The following GTF2IRD1 variants were observed in gnomAD, a reference collection of about 807,000 sequenced individuals.
GTF2IRD1 encodes general transcription factor II-I repeat domain-containing protein 1.
GTF2IRD1 carries 26 observed loss-of-function variants against 113.2 expected under a neutral mutation model. The ratio of observed to expected loss-of-function variants is 0.23; its 90% CI spans 0.17 to 0.32. GTF2IRD1 has a LOEUF of 0.32. Ranked by LOEUF, GTF2IRD1 falls within the 10% of genes least tolerant of loss-of-function variation. GTF2IRD1 has a pLI of 1.00. For missense variants in GTF2IRD1, 864 were observed against 1,280.8 expected, an observed-to-expected ratio of 0.67 and a Z score of 4.97; for synonymous variants, 484 against 529.1, an observed-to-expected ratio of 0.91 and a Z score of 1.17.
intron 4 of GTF2IRD1, among the ~76,000 whole-genome samples, chr7:74,516,549 T>C (rs2130195967): frequency 6.6e-6 from 1 of 152,266 alleles, no homozygotes; most frequent in East Asian, 1.9e-4. Flanking sequence ...GTGCTCAGGG[T>C]CCCACCTCAT....
intron 22 of GTF2IRD1, among the ~76,000 whole-genome samples, chr7:74,575,202 T>C (rs909664065): frequency 5.3e-5 from 8 of 152,128 alleles, no homozygotes; most frequent in Non-Finnish European, 1.0e-4. Context: ...TATTTATTTT[T>C]AGGAGATTGC....
At chr7:74,456,249 T>C (rs1199060477) in intron 1 of GTF2IRD1, among the ~76,000 whole-genome samples, 3 of 152,146 alleles carry the variant, frequency 2.0e-5, no homozygotes, top group Non-Finnish European at 2.9e-5. Flanking sequence ...TTGTTGGACC[T>C]GGGGTCTTGT....
intron 8 of GTF2IRD1, among the ~76,000 whole-genome samples, chr7:74,528,232 A>T (rs1296579955): frequency 6.6e-6 from 1 of 152,172 alleles, no homozygotes; most frequent in Non-Finnish European, 1.5e-5. Context: ...ACTCTTTTTC[A>T]GACAGTCTCG....
At chr7:74,457,845 A>G (rs1562762260) in intron 1 of GTF2IRD1, among the ~76,000 whole-genome samples, 2 of 149,746 alleles carry the variant, frequency 1.3e-5, no homozygotes, top group Non-Finnish European at 3.0e-5. Context: ...AGCAGGACCC[A>G]GGGCTTGGAA....
At position 74,459,188 on chromosome 7, in the gene GTF2IRD1, A is replaced by C. The variant is rs112585446; in HGVS notation, c.-7+5012A>C. Among the ~76,000 whole-genome samples the C allele has an allele frequency of 9.2e-3, 1,402 of 152,216 alleles. 19 individuals carry two copies. Among genetic ancestry groups the C allele is most frequent in the African/African-American group, 0.031 (1,281 of 41,536 alleles). On this transcript the variant is annotated intron_variant, in intron 1 of 26. Coordinates refer to ENST00000424337, the MANE Select transcript of GTF2IRD1 (RefSeq NM_005685.4). The stretch of plus-strand genomic sequence containing the variant: ...AAGTTAGGGCCGGGTGCGGTGGCTC[A>C]TGCCTGTAATCCCCAGCACTTTGCA...
intron 22 of GTF2IRD1, among the ~76,000 whole-genome samples, chr7:74,582,271 C>T (rs1253522478): frequency 3.9e-5 from 6 of 152,174 alleles, no homozygotes; most frequent in South Asian, 2.1e-4. Flanking sequence ...TCCCCAGACA[C>T]GGCAGGGGAC....
chr7:74,558,964 C>T lies in GTF2IRD1; in HGVS notation c.2211C>T (p.Phe737=), dbSNP rs782089689. The T allele has an allele frequency of 9.9e-6, 16 of 1,614,016 alleles. No individual in the cohort carries two copies. The highest frequency in any genetic ancestry group is 2.2e-5 in the South Asian group (2 of 91,086). Residue 737 remains phenylalanine (F), a synonymous_variant, in exon 21 of 27, where the codon TTC becomes TTT. Transcript: ENST00000424337. ...AGGGGCTGCCCCCAGGAATCCCGTT[C>T]CGAAAGCCCTGTACCTTCGGCTCCC... ...IIEGLPPGIP[F]RKPCTFGSQN...
chr7:74,534,953 A>G (rs1252427046), intron 9 of GTF2IRD1, among the ~76,000 whole-genome samples, 160 bp from the exon 10 acceptor site: 2 of 152,168 alleles, frequency 1.3e-5, no homozygotes, highest in Non-Finnish European at 1.5e-5. Flanking sequence ...GGTTCCAGAC[A>G]TGCCCTCTCC....
At chr7:74,548,051 C>A (rs190514248) in intron 17 of GTF2IRD1, among the ~76,000 whole-genome samples, 2 of 152,118 alleles carry the variant, frequency 1.3e-5, no homozygotes, top group South Asian at 4.1e-4. Flanking sequence ...TTTCCTTGAG[C>A]GTGTTGTGTT....
chr7:74,538,255 C>T, intron 12 of GTF2IRD1, 82 bp downstream of exon 12: 3 of 1,375,316 alleles, frequency 2.2e-6, no homozygotes, highest in South Asian at 1.2e-5. Context: ...TGGGGAGGAG[C>T]TCAACTCAGC....
At chr7:74,523,382 C>A (rs1554346430) in intron 7 of GTF2IRD1, among the ~76,000 whole-genome samples, 1 of 152,062 alleles carries the variant, frequency 6.6e-6, no homozygotes, top group African/African-American at 2.4e-5. Context: ...CAGAGTGAGA[C>A]CCTGTCTCTA....
chr7:74,525,477 C>T (rs1289488407), intron 8 of GTF2IRD1, among the ~76,000 whole-genome samples: 1 of 152,146 alleles, frequency 6.6e-6, no homozygotes, highest in African/African-American at 2.4e-5. Context: ...AAGTGGTAGG[C>T]GCTGTGGCTC....
intron 11 of GTF2IRD1, among the ~76,000 whole-genome samples, chr7:74,537,481 A>G (rs1291919887): frequency 6.6e-6 from 1 of 151,782 alleles, no homozygotes; most frequent in Non-Finnish European, 1.5e-5. Flanking sequence ...TACCTACTAC[A>G]TGCATACACA....
intron 1 of GTF2IRD1, among the ~76,000 whole-genome samples, chr7:74,495,329 CTG>C (rs1317171163): frequency 1.2e-4 from 19 of 152,192 alleles, no homozygotes; most frequent in Admixed American, 5.9e-4. Flanking sequence ...TGACTGCAGT[CTG>C]TGCCAAGAGC....
At chr7:74,590,584 G>C (rs1368159071) in intron 23 of GTF2IRD1, among the ~76,000 whole-genome samples, 1 of 150,846 alleles carries the variant, frequency 6.6e-6, no homozygotes, top group Non-Finnish European at 1.5e-5. Flanking sequence ...GTAGAGACGA[G>C]GTTTTACCGA....
intron 1 of GTF2IRD1, among the ~76,000 whole-genome samples, chr7:74,458,766 TGCCTCA>T (rs1316465039): frequency 1.3e-5 from 2 of 152,020 alleles, no homozygotes; most frequent in East Asian, 3.9e-4. Flanking sequence ...GTGATTCTCG[TGCCTCA>T]GCCTCCCGAG....
chr7:74,570,361 T>TAA (rs1554362245), intron 22 of GTF2IRD1, among the ~76,000 whole-genome samples: 1 of 130,206 alleles, frequency 7.7e-6, no homozygotes. Context: ...AGACTCTGTC[T>TAA]CAAAAAAAAA....
intron 7 of GTF2IRD1, among the ~76,000 whole-genome samples, chr7:74,522,131 C>A (rs1554346146): frequency 1.3e-5 from 2 of 152,180 alleles, no homozygotes; most frequent in East Asian, 3.9e-4. Flanking sequence ...GCTTTTATGA[C>A]CCATCCTTAG....
At chr7:74,541,330 G>T (rs1435522497) in intron 14 of GTF2IRD1, among the ~76,000 whole-genome samples, 4 of 151,202 alleles carry the variant, frequency 2.6e-5, no homozygotes, top group African/African-American at 4.9e-5. Context: ...ATCTCTAAAA[G>T]ATTTTTTTTT....
Sources: allele counts gnomAD v4.1 joint callset (sites outside exome capture counted in the v4.1 genomes callset), GRCh38; gene constraint gnomAD v4.1.1; transcripts MANE v1.5; gene names NCBI Gene and HGNC (gene_info 2026-07-23, HGNC 2026-07-21).